The following NSD1 variants were observed in gnomAD, a reference collection of about 807,000 sequenced individuals.
The protein encoded by NSD1 is histone-lysine N-methyltransferase, H3 lysine-36 specific.
In NSD1, 26 loss-of-function variants were observed where a neutral mutation model predicts 242.7. The ratio of observed to expected loss-of-function variants is 0.11; its 90% CI spans 0.08 to 0.15. The LOEUF (loss-of-function observed/expected upper bound fraction) is 0.15. NSD1 is among the 10% of genes least tolerant of loss of function. The pLI is 1.00. For synonymous variants in NSD1, 1,106 were observed against 1,178.1 expected (o/e 0.94, Z 1.25); for missense variants, 2,495 against 3,272.8 (o/e 0.76, Z 5.80).
At chr5:177,274,154 C>CA (rs1423196286) in intron 17 of NSD1, among the ~76,000 whole-genome samples, 2 of 151,372 alleles carry the variant, frequency 1.3e-5, no homozygotes, top group African/African-American at 2.4e-5. Flanking sequence ...ACTCCGTCTC[C>CA]AAAAAAAAGA....
At position 177,135,665 on chromosome 5, in the gene NSD1, C is replaced by G; in HGVS notation, c.562C>G (p.Gln188Glu). 1 of 1,614,196 alleles carries G rather than the reference C, an allele frequency of 6.2e-7. No homozygotes were observed. Reference protein sequence around the residue: ...ESIEEIFEETQTNATCNYETK... With the variant: ...ESIEEIFEETETNATCNYETK... The stretch of plus-strand genomic sequence containing the variant: ...TATAGAGGAGATCTTTGAGGAAACT[C>G]AGACCAATGCCACCTGCAATTATGA... Residue 188 changes from glutamine to glutamate, a missense_variant, in exon 2 of 23, where the codon CAG (glutamine) becomes GAG (glutamate). By Grantham distance (29) the Gln-to-Glu change is conservative (BLOSUM62 2). This residue lies in a region of NSD1 where 376 missense variants were observed against 367.4 expected (regional missense o/e 1.02). Transcript: ENST00000439151.
At chr5:177,178,658 G>A (rs2149805988) in intron 2 of NSD1, among the ~76,000 whole-genome samples, 1 of 152,324 alleles carries the variant, frequency 6.6e-6, no homozygotes, top group East Asian at 1.9e-4. Context: ...AAGCTAGAGT[G>A]CAGTGGAGTG....
intron 5 of NSD1, among the ~76,000 whole-genome samples, chr5:177,219,488 T>A (rs1347481809): frequency 6.6e-6 from 1 of 152,154 alleles, no homozygotes; most frequent in African/African-American, 2.4e-5. Flanking sequence ...CCCGGCCCTG[T>A]CAAAAGATAT....
intron 4 of NSD1, among the ~76,000 whole-genome samples, chr5:177,206,417 G>A (rs1283128602): frequency 6.6e-6 from 1 of 152,094 alleles, no homozygotes; most frequent in Non-Finnish European, 1.5e-5. Flanking sequence ...TGGGATTACA[G>A]GCATGAGATA....
chr5:177,232,543 C>T (rs1472438691), intron 5 of NSD1, among the ~76,000 whole-genome samples: 1 of 152,182 alleles, frequency 6.6e-6, no homozygotes, highest in Non-Finnish European at 1.5e-5. Context: ...ATCCTTCCAT[C>T]ACCCTTCAGC....
At chr5:177,192,981 C>A (rs1461543839) in intron 3 of NSD1, among the ~76,000 whole-genome samples, 7 of 152,104 alleles carry the variant, frequency 4.6e-5, no homozygotes, top group Non-Finnish European at 1.0e-4. Context: ...AAAGCTGAAA[C>A]AATTGTAAAT....
chr5:177,223,307 C>T (rs565676884), intron 5 of NSD1, among the ~76,000 whole-genome samples: 115 of 152,144 alleles, frequency 7.6e-4, no homozygotes, highest in African/African-American at 2.6e-3. Flanking sequence ...CACGGTGGCT[C>T]ACAGCTTTAA....
At chr5:177,207,576 C>T (rs1181468408) in intron 4 of NSD1, among the ~76,000 whole-genome samples, 2 of 139,842 alleles carry the variant, frequency 1.4e-5, no homozygotes, top group African/African-American at 3.1e-5. Context: ...GCCACCGTGC[C>T]TGGCCTATTT....
rs1581430582 is a variant in NSD1, at chr5:177,246,892, A to T, written c.4497+96A>T. On this transcript the variant is annotated intron_variant, in intron 10 of 22. Coordinates refer to ENST00000439151, the MANE Select transcript of NSD1 (RefSeq NM_022455.5). ...CTTTCCCTTGAGTTTTCTTAAGAAT[A>T]CTATTCTACTGAAATGGCTGATGGC... 4 of 883,170 alleles carry T rather than the reference A, an allele frequency of 4.5e-6. No homozygotes were observed. In the East Asian group the frequency reaches 7.4e-5, roughly 16 times the overall value. The allele number at this position is 883,170 out of a possible 1,614,324, so 54.7% of individuals were successfully genotyped here. A position where few individuals can be genotyped will look rare whatever the true frequency, so the allele number is the denominator to read the frequency against.
chr5:177,295,310 T>A lies in NSD1; in HGVS notation c.7942T>A (p.Ser2648Thr), dbSNP rs747099587. 6 of 1,613,756 alleles carry A rather than the reference T, an allele frequency of 3.7e-6. No homozygotes were observed. In the African/African-American group the frequency reaches 6.7e-5, roughly 18 times the overall value. The stretch of plus-strand genomic sequence containing the variant: ...AGTGGCTGGACAGACACTGGCACAG[T>A]CTTGCTGGTCTGCTGGGAGCACACA... ...PIVAGQTLAQ[S>T]CWSAGSTQTL... Residue 2648 changes from serine to threonine, a missense_variant, in exon 23 of 23, where the codon TCT (serine) becomes ACT (threonine). Ser to Thr is a moderately conservative substitution (Grantham distance 58, BLOSUM62 1). Around this residue, in one of 19 missense-constraint regions of NSD1, gnomAD observed 475 missense variants for 563.7 expected, o/e 0.84. Coordinates refer to ENST00000439151, the MANE Select transcript of NSD1 (RefSeq NM_022455.5). The surrounding 1 kb of genome is among the most constrained non-coding windows in gnomAD (Gnocchi z 4.3).
intron 12 of NSD1, among the ~76,000 whole-genome samples, chr5:177,255,189 C>T (rs1239380557): frequency 1.3e-5 from 2 of 151,858 alleles, no homozygotes; most frequent in African/African-American, 2.4e-5. Flanking sequence ...CCTGTAATCC[C>T]ACATACTTGG....
At chr5:177,277,362 GCTT>G (rs1434690743) in intron 17 of NSD1, among the ~76,000 whole-genome samples, 2 of 152,130 alleles carry the variant, frequency 1.3e-5, no homozygotes, top group Non-Finnish European at 2.9e-5. Flanking sequence ...ATACAGGCAT[GCTT>G]CTTCATTTAC....
chr5:177,155,499 G>A (rs1178803175), intron 2 of NSD1, among the ~76,000 whole-genome samples: 1 of 150,906 alleles, frequency 6.6e-6, no homozygotes, highest in Non-Finnish European at 1.5e-5. Flanking sequence ...CCTGACCTCA[G>A]GTGATCTGCC....
intron 11 of NSD1, among the ~76,000 whole-genome samples, chr5:177,251,310 A>C (rs1451092328): frequency 1.3e-5 from 2 of 152,094 alleles, no homozygotes; most frequent in Admixed American, 6.5e-5. Flanking sequence ...CAGAAAAGTG[A>C]TCTCTCTCTG....
intron 4 of NSD1, among the ~76,000 whole-genome samples, chr5:177,204,695 G>A (rs537252285): frequency 4.4e-4 from 67 of 152,258 alleles, no homozygotes; most frequent in Non-Finnish European, 8.5e-4. Context: ...CAGGGAAGAA[G>A]CATTATATTT....
intron 6 of NSD1, among the ~76,000 whole-genome samples, chr5:177,237,068 C>T (rs1401577062): frequency 1.3e-5 from 2 of 152,070 alleles, no homozygotes; most frequent in Admixed American, 6.6e-5. Flanking sequence ...GTCTCGAATT[C>T]CTGGGCTCCA....
intron 20 of NSD1, among the ~76,000 whole-genome samples, chr5:177,285,563 C>A (rs892576587): frequency 7.3e-3 from 598 of 81,822 alleles, no homozygotes; most frequent in East Asian, 0.032. Flanking sequence ...GATTCCATCT[C>A]AAAAAAAAAA....
At position 177,170,118 on chromosome 5, in the gene NSD1, C is replaced by T. The variant is rs11955935; in HGVS notation, c.928-21766C>T. Among the ~76,000 whole-genome samples the T allele has an allele frequency of 9.6e-3, 1,405 of 145,880 alleles. 20 individuals are homozygous for T. Among genetic ancestry groups the T allele is most frequent in the African/African-American group, 0.034 (1,328 of 39,616 alleles). On this transcript the variant is annotated intron_variant, in intron 2 of 22. Coordinates refer to ENST00000439151, the MANE Select transcript of NSD1 (RefSeq NM_022455.5). ...CCGAGTAGCTGGGACTACAGGCGCC[C>T]GCCACCACGCCCGGCTAATTTTTTT...
chr5:177,293,619 A>G (rs950418304), intron 22 of NSD1, among the ~76,000 whole-genome samples: 2 of 135,636 alleles, frequency 1.5e-5, no homozygotes, highest in Non-Finnish European at 3.0e-5. Flanking sequence ...AGTAGTTGCT[A>G]TTTGATAATT....
Sources: allele counts gnomAD v4.1 joint callset (sites outside exome capture counted in the v4.1 genomes callset), GRCh38; gene constraint gnomAD v4.1.1; regional missense constraint gnomAD v4.1.1; non-coding constraint Gnocchi (gnomAD v3.1); transcripts MANE v1.5; gene names NCBI Gene and HGNC (gene_info 2026-07-23, HGNC 2026-07-21).